The following ZFYVE28 variants were observed in gnomAD, a reference collection of about 807,000 sequenced individuals.
ZFYVE28 encodes the protein lateral signaling target protein 2 homolog.
ZFYVE28 carries 40 observed loss-of-function variants against 82.1 expected under a neutral mutation model. The observed-to-expected ratio is 0.49, with a 90% CI of 0.38 to 0.63. The LOEUF is 0.63. Ranked by LOEUF, ZFYVE28 falls within the 30% of genes least tolerant of loss-of-function variation. The pLI, the probability that ZFYVE28 is intolerant of heterozygous loss-of-function variation, is 0.00. For missense variants in ZFYVE28, 1,321 were observed against 1,242.1 expected (o/e 1.06, Z -0.96); for synonymous variants, 612 against 546.1 (o/e 1.12, Z -1.68).
chr4:2,399,986 T>C lies in ZFYVE28; in HGVS notation c.39+18299A>G, dbSNP rs993328435. Among the ~76,000 whole-genome samples, 3 of 152,168 alleles carry C rather than the reference T, an allele frequency of 2.0e-5. No homozygotes were observed. In the East Asian group the frequency reaches 5.8e-4, roughly 29 times the overall value. ...CCTCAGACAGGGGAGCCCGAGGAAG[T>C]GCCGGCACCACGCAGCACGCACAGG... On this transcript the variant is annotated intron_variant, in intron 1 of 12. Coordinates refer to ENST00000290974, the MANE Select transcript of ZFYVE28 (RefSeq NM_020972.3).
intron 2 of ZFYVE28, among the ~76,000 whole-genome samples, chr4:2,352,969 C>T (rs1392999426): frequency 6.6e-6 from 1 of 152,236 alleles, no homozygotes; most frequent in Non-Finnish European, 1.5e-5. Context: ...GCACCTGTCC[C>T]CTGGGCAGAA....
intron 1 of ZFYVE28, chr4:2,364,859 G>T: frequency 1.0e-6 from 1 of 985,496 alleles, no homozygotes; most frequent in Non-Finnish European, 1.2e-6. Context: ...CCACGTCGCC[G>T]CGGCAAAGTC....
At chr4:2,411,644 C>T (rs1732531052) in intron 1 of ZFYVE28, among the ~76,000 whole-genome samples, 1 of 152,218 alleles carries the variant, frequency 6.6e-6, no homozygotes, top group Admixed American at 6.5e-5. Flanking sequence ...TAAATCCCAG[C>T]CCTGCTTCCT....
rs770775253 is a variant in ZFYVE28, at chr4:2,304,314, C to T, written c.2026G>A (p.Ala676Thr). 6 of 1,595,616 alleles carry T rather than the reference C, an allele frequency of 3.8e-6. No individual in the cohort carries two copies. The highest frequency in any genetic ancestry group is 5.1e-6 in the Non-Finnish European group (6 of 1,175,912). The change falls in exon 8 of 13, where the codon GCG (alanine) becomes ACG (threonine). Residue 676 changes from alanine (A) to threonine (T), a missense_variant. Physicochemically the swap from Ala to Thr is moderately conservative, Grantham distance 58. Coordinates refer to ENST00000290974, the MANE Select transcript of ZFYVE28 (RefSeq NM_020972.3). ...CTGGAGCCCGACAGGGCCTGAGGCGCCTCGTGAGCCGAGGGGCTCCCAGCA... is the reference window on the plus strand; with the variant it reads ...CTGGAGCCCGACAGGGCCTGAGGCGTCTCGTGAGCCGAGGGGCTCCCAGCA... ...LHAGSPSAHE[A>T]PQALSGSSSS...
At chr4:2,393,422 G>T (rs989872277) in intron 1 of ZFYVE28, among the ~76,000 whole-genome samples, 1 of 152,168 alleles carries the variant, frequency 6.6e-6, no homozygotes, top group Non-Finnish European at 1.5e-5. Context: ...AAGTTAAAGG[G>T]TGTGCTAGTT....
chr4:2,371,028 G>A (rs542719726), intron 1 of ZFYVE28, among the ~76,000 whole-genome samples: 8 of 152,370 alleles, frequency 5.3e-5, no homozygotes, highest in Non-Finnish European at 7.3e-5. Context: ...CATGTGGGGC[G>A]CAGCCCGAGT....
chr4:2,328,382 G>A (rs752789053), intron 6 of ZFYVE28, among the ~76,000 whole-genome samples: 1 of 152,138 alleles, frequency 6.6e-6, no homozygotes, highest in Non-Finnish European at 1.5e-5. Context: ...GCACAACAGT[G>A]GTTATAGAGG....
At chr4:2,343,618 C>CG (rs1251691004) in intron 2 of ZFYVE28, 2 of 152,238 alleles carry the variant, frequency 1.3e-5, no homozygotes, top group Non-Finnish European at 2.9e-5. Flanking sequence ...CAGCAACAGG[C>CG]GGTGCACAGT....
At chr4:2,302,370 G>C (rs546949884) in intron 8 of ZFYVE28, among the ~76,000 whole-genome samples, 1 of 152,352 alleles carries the variant, frequency 6.6e-6, no homozygotes, top group South Asian at 2.1e-4. Context: ...CACACATAAT[G>C]CTGAATGAGA....
At chr4:2,292,198 G>A (rs1713827131) in intron 8 of ZFYVE28, among the ~76,000 whole-genome samples, 1 of 152,202 alleles carries the variant, frequency 6.6e-6, no homozygotes, top group Non-Finnish European at 1.5e-5. Context: ...TGGAAGGGAT[G>A]GCCCAGCCAT....
At chr4:2,290,547 A>G (rs971999247) in intron 8 of ZFYVE28, among the ~76,000 whole-genome samples, 2 of 152,188 alleles carry the variant, frequency 1.3e-5, no homozygotes, top group Non-Finnish European at 2.9e-5. Flanking sequence ...AGATGTCTCC[A>G]AAAGCCGGGG....
At chr4:2,319,265 C>A (rs944212123) in intron 7 of ZFYVE28, among the ~76,000 whole-genome samples, 4 of 152,138 alleles carry the variant, frequency 2.6e-5, no homozygotes, top group African/African-American at 9.7e-5. Context: ...CACATCCCCC[C>A]AAGCAGGAGG....
At chr4:2,378,209 T>C (rs2108911432) in intron 1 of ZFYVE28, among the ~76,000 whole-genome samples, 1 of 152,274 alleles carries the variant, frequency 6.6e-6, no homozygotes, top group South Asian at 2.1e-4. Flanking sequence ...GGCACGGTAG[T>C]GCACGCCTGC....
At chr4:2,370,958 C>G (rs987316531) in intron 1 of ZFYVE28, among the ~76,000 whole-genome samples, 5 of 152,250 alleles carry the variant, frequency 3.3e-5, no homozygotes, top group African/African-American at 1.2e-4. Context: ...ACGGTGCCCA[C>G]TGTCCACCAC....
At chr4:2,376,790 G>C (rs564482374) in intron 1 of ZFYVE28, among the ~76,000 whole-genome samples, 11 of 152,230 alleles carry the variant, frequency 7.2e-5, no homozygotes, top group African/African-American at 2.6e-4. Context: ...ACTGGGTATG[G>C]TGACATGACC....
intron 1 of ZFYVE28, chr4:2,364,556 G>A (rs1310022586): frequency 2.0e-6 from 2 of 985,574 alleles, no homozygotes; most frequent in Non-Finnish European, 1.2e-6. Flanking sequence ...CGTGGGAAGG[G>A]AATTTAGACG....
At chr4:2,322,608 A>G (rs577453797) in intron 6 of ZFYVE28, among the ~76,000 whole-genome samples, 8 of 152,286 alleles carry the variant, frequency 5.3e-5, no homozygotes, top group African/African-American at 1.9e-4. Flanking sequence ...TTTTTCAAAT[A>G]AATTCATATA....
intron 1 of ZFYVE28, among the ~76,000 whole-genome samples, chr4:2,378,878 A>G (rs140746487): frequency 5.8e-4 from 89 of 152,342 alleles, no homozygotes; most frequent in African/African-American, 2.0e-3. Flanking sequence ...CTGAAGCCAA[A>G]TCAGAATCAA....
rs976409298 is a variant in ZFYVE28, at chr4:2,409,714, C to T, written c.39+8571G>A. Among the ~76,000 whole-genome samples, 6 of 152,248 alleles carry T rather than the reference C, an allele frequency of 3.9e-5. No individual in the cohort carries two copies. Among genetic ancestry groups the T allele is most frequent in the Non-Finnish European group, 7.3e-5 (5 of 68,048 alleles). ...GGTGGGGTGGGGGGGCTGACCCCTG[C>T]GGGCAGCTCTGTGGGAGGAGGTCGG... On this transcript the variant is annotated intron_variant, in intron 1 of 12. Transcript: ENST00000290974. This position sits in a 1 kb window ranked among gnomAD's most constrained non-coding sequence, Gnocchi z 4.4.
Sources: gnomAD v4.1 joint callset for allele counts (sites outside exome capture counted in the v4.1 genomes callset) on GRCh38, gnomAD v4.1.1 for gene constraint, Gnocchi (gnomAD v3.1) non-coding constraint, MANE v1.5 for transcripts, NCBI Gene and HGNC (gene_info 2026-07-23, HGNC 2026-07-21) for gene names.